SAMD5: variants seen among roughly 807,000 people sequenced by gnomAD.
SAMD5 encodes sterile alpha motif domain-containing protein 5.
In SAMD5, 13 loss-of-function variants were observed where a neutral mutation model predicts 11.3. That is an observed-to-expected ratio of 1.15 (90% CI 0.75 to 1.83). SAMD5 has a LOEUF of 1.83. Ranked by LOEUF, SAMD5 falls within the 40% of genes most tolerant of loss-of-function variation. The pLI is 0.00. For synonymous variants in SAMD5, 129 were observed against 111.3 expected, an observed-to-expected ratio of 1.16 and a Z score of -1.00; for missense variants, 255 against 239.1, an observed-to-expected ratio of 1.07 and a Z score of -0.44.
intron 1 of SAMD5, among the ~76,000 whole-genome samples, chr6:147,639,259 T>A (rs536540551): frequency 1.3e-5 from 2 of 152,286 alleles, no homozygotes; most frequent in South Asian, 4.1e-4. Context: ...TAAGAAAATA[T>A]AAAAGAACAA....
intron 1 of SAMD5, among the ~76,000 whole-genome samples, chr6:147,691,994 C>CACA (rs35068111): frequency 2.7e-5 from 4 of 150,812 alleles, no homozygotes; most frequent in Non-Finnish European, 1.5e-5. Context: ...CACACACACA[C>CACA]CCCCCTGATT....
At chr6:147,901,767 T>C in the SAMD5 span, among the ~76,000 whole-genome samples, 4 of 152,218 alleles carry the variant, frequency 2.6e-5, no homozygotes, top group Non-Finnish European at 5.9e-5. Context: ...TGCTAAGACT[T>C]CATGTTATAC....
the SAMD5 span, among the ~76,000 whole-genome samples, chr6:147,892,560 G>C: frequency 8.1e-4 from 124 of 152,270 alleles, no homozygotes; most frequent in Middle Eastern, 3.4e-3. Context: ...CTGCTGCCCT[G>C]TAGGTCCTGT....
At chr6:147,728,604 C>T (rs1791662749) in intron 1 of SAMD5, among the ~76,000 whole-genome samples, 1 of 152,144 alleles carries the variant, frequency 6.6e-6, no homozygotes, top group South Asian at 2.1e-4. Flanking sequence ...ACCTGGGAAA[C>T]ACTCTACAGG....
rs1219812477 is a variant in SAMD5 at position 147,566,292 on chromosome 6, T to A, written c.*1836T>A. 1 of 980,758 alleles carries A rather than the reference T, an allele frequency of 1.0e-6. No individual in the cohort carries two copies. Among genetic ancestry groups the A allele is most frequent in the African/African-American group, 1.8e-5 (1 of 57,100 alleles). 60.8% of individuals were successfully genotyped at this position (980,758 alleles called of 1,614,324 possible). ...TATTCCAGTTAACCTTTCATCTTTT[T>A]TTTTTTTCCAAATGAACTAGGGTCT... On this transcript the variant is annotated 3_prime_UTR_variant, in exon 2 of 2. Transcript: ENST00000367474.
At chr6:147,776,867 G>C in the SAMD5 span, among the ~76,000 whole-genome samples, 1 of 152,160 alleles carries the variant, frequency 6.6e-6, no homozygotes, top group Non-Finnish European at 1.5e-5. Flanking sequence ...CCAGGAATTG[G>C]CCTGTGCCTC....
At chr6:147,610,021 T>C (rs186786331) in intron 1 of SAMD5, among the ~76,000 whole-genome samples, 3 of 152,170 alleles carry the variant, frequency 2.0e-5, no homozygotes. Context: ...GTTGGGAAAA[T>C]AGCCACGAAC....
At chr6:147,561,442 G>A (rs931707971) in intron 1 of SAMD5, among the ~76,000 whole-genome samples, 2 of 152,074 alleles carry the variant, frequency 1.3e-5, no homozygotes, top group African/African-American at 2.4e-5. Context: ...TGCCTGCCTC[G>A]GACTCCCAAA....
chr6:147,616,628 A>G (rs553362238), intron 1 of SAMD5, among the ~76,000 whole-genome samples: 2 of 152,320 alleles, frequency 1.3e-5, no homozygotes, highest in East Asian at 3.9e-4. Flanking sequence ...TCTAGTTTGT[A>G]TTAGTCTGTT....
intron 1 of SAMD5, among the ~76,000 whole-genome samples, chr6:147,680,170 C>T (rs1016387170): frequency 7.9e-5 from 12 of 152,022 alleles, no homozygotes; most frequent in African/African-American, 1.7e-4. Flanking sequence ...TCTTCTGACC[C>T]GTAACTGTCT....
At chr6:147,858,705 C>T in the SAMD5 span, among the ~76,000 whole-genome samples, 1 of 152,194 alleles carries the variant, frequency 6.6e-6, no homozygotes, top group South Asian at 2.1e-4. Context: ...AATATTTAAG[C>T]TAAGTGAGAA....
chr6:147,577,970 C>T (rs912206019), intron 1 of SAMD5, among the ~76,000 whole-genome samples: 1 of 152,048 alleles, frequency 6.6e-6, no homozygotes, highest in South Asian at 2.1e-4. Flanking sequence ...TACACTATTA[C>T]AAAAGTTCAG....
At chr6:147,902,414 A>T in the SAMD5 span, among the ~76,000 whole-genome samples, 1 of 152,028 alleles carries the variant, frequency 6.6e-6, no homozygotes, top group African/African-American at 2.4e-5. Flanking sequence ...GCTCATTTGC[A>T]TATCCTTGTG....
chr6:147,922,069 T>C, the SAMD5 span, among the ~76,000 whole-genome samples: 2 of 152,198 alleles, frequency 1.3e-5, no homozygotes, highest in African/African-American at 4.8e-5. Context: ...TTGCTTTAGA[T>C]ACAGAATCAC....
At chr6:147,928,818 T>G in the SAMD5 span, among the ~76,000 whole-genome samples, 1 of 152,222 alleles carries the variant, frequency 6.6e-6, no homozygotes, top group Non-Finnish European at 1.5e-5. Context: ...AATTTCCCTC[T>G]TAACACTGCC....
the SAMD5 span, among the ~76,000 whole-genome samples, chr6:147,761,208 T>G: frequency 6.6e-6 from 1 of 152,258 alleles, no homozygotes; most frequent in Non-Finnish European, 1.5e-5. Context: ...ATTTCAACCT[T>G]AATATTCTTA....
intron 1 of SAMD5, among the ~76,000 whole-genome samples, chr6:147,658,706 T>C (rs1399054745): frequency 6.6e-6 from 1 of 152,064 alleles, no homozygotes; most frequent in East Asian, 1.9e-4. Flanking sequence ...GAAGACAGCA[T>C]TCTTTGAGCA....
intron 1 of SAMD5, among the ~76,000 whole-genome samples, chr6:147,687,194 A>G (rs959193272): frequency 1.3e-5 from 2 of 150,612 alleles, no homozygotes; most frequent in Non-Finnish European, 3.0e-5. Context: ...ATTTAGATAT[A>G]TTCTCATATT....
At chr6:147,914,496 T>G in the SAMD5 span, among the ~76,000 whole-genome samples, 1 of 152,072 alleles carries the variant, frequency 6.6e-6, no homozygotes, top group Non-Finnish European at 1.5e-5. Flanking sequence ...CTGTCAATAA[T>G]AAATTGATAA....
Sources: allele counts gnomAD v4.1 joint callset (sites outside exome capture counted in the v4.1 genomes callset), GRCh38; gene constraint gnomAD v4.1.1; transcripts MANE v1.5; gene names NCBI Gene and HGNC (gene_info 2026-07-23, HGNC 2026-07-21).